SLC22A23: variants seen among roughly 807,000 people sequenced by gnomAD.
SLC22A23 encodes solute carrier family 22 member 23, also known as ion transporter protein.
SLC22A23 carries 26 observed loss-of-function variants against 61.0 expected under a neutral mutation model. The ratio of observed to expected loss-of-function variants is 0.43; its 90% CI spans 0.31 to 0.59. SLC22A23 has a LOEUF of 0.59. Ranked by LOEUF, SLC22A23 falls within the 20% of genes least tolerant of loss-of-function variation. The probability of loss-of-function intolerance (pLI) is 0.11; values close to 1 mark genes in which losing one functional copy is unlikely to be tolerated. For missense variants in SLC22A23, 796 were observed against 934.7 expected (o/e 0.85, Z 1.94); for synonymous variants, 430 against 413.9 (o/e 1.04, Z -0.47).
chr6:3,389,645 C>T (rs1767540045), intron 3 of SLC22A23, among the ~76,000 whole-genome samples: 1 of 152,218 alleles, frequency 6.6e-6, no homozygotes, highest in Admixed American at 6.5e-5. Flanking sequence ...GTCACCCCTC[C>T]TCCCACTCCA....
chr6:3,404,422 T>C (rs763099211), intron 3 of SLC22A23, among the ~76,000 whole-genome samples: 12 of 152,166 alleles, frequency 7.9e-5, no homozygotes, highest in African/African-American at 4.8e-5. Flanking sequence ...TATCCTTACA[T>C]GCCCTAGAGA....
chr6:3,284,491 C>A (rs112991251), intron 8 of SLC22A23, among the ~76,000 whole-genome samples: 1 of 152,226 alleles, frequency 6.6e-6, no homozygotes, highest in Non-Finnish European at 1.5e-5. Flanking sequence ...CAGGGTCTGG[C>A]ACAGTGCACG....
Position 3,329,562 on chromosome 6 carries a change from G to T in SLC22A23, c.914-5560C>A, listed in dbSNP as rs535179845. ...ATGCAGGGTATGGGATGAGGCGCCC[G>T]CTCTGGCCTAGAGGTGGGGGTTAGA... is the stretch of plus-strand genomic sequence containing the variant. On this transcript the variant is annotated intron_variant, in intron 3 of 9. Coordinates refer to ENST00000406686, the MANE Select transcript of SLC22A23 (RefSeq NM_015482.2). This position sits in a 1 kb window ranked among gnomAD's most constrained non-coding sequence, Gnocchi z 4.8. Among the ~76,000 whole-genome samples the T allele has an allele frequency of 6.6e-6, 1 of 152,194 alleles. No individual in the cohort carries two copies. The highest frequency in any genetic ancestry group is 1.9e-4 in the East Asian group (1 of 5,194).
chr6:3,452,599 TAAAAAAAAAAAAAAAAAAAAAAAA>T (rs570923626), intron 1 of SLC22A23, among the ~76,000 whole-genome samples: 4 of 40,536 alleles, frequency 9.9e-5, no homozygotes, highest in Non-Finnish European at 1.2e-4. Flanking sequence ...AGACGCTGTC[TAAAAAAAAAAAAAAAAAAAAAAAA>T]AAAAAAAAAA....
chr6:3,283,784 C>G (rs1439188790), intron 9 of SLC22A23, 68 bp downstream of exon 9: 3 of 1,602,630 alleles, frequency 1.9e-6, no homozygotes, highest in Non-Finnish European at 2.6e-6. Flanking sequence ...CCACACCAGC[C>G]TGGAGCCAGG....
chr6:3,292,008 A>G (rs908068172), intron 5 of SLC22A23: 13 of 150,964 alleles, frequency 8.6e-5, no homozygotes, highest in Non-Finnish European at 1.8e-4. Context: ...TAGTCTGCAG[A>G]GGTAACTGAA....
intron 3 of SLC22A23, among the ~76,000 whole-genome samples, chr6:3,356,259 G>A (rs113576563): frequency 2.0e-5 from 3 of 151,082 alleles, no homozygotes; most frequent in African/African-American, 7.3e-5. Context: ...GCCAGCCCTT[G>A]GGATCTGGAC....
In SLC22A23 at chr6:3,403,532, T is replaced by TA. The variant is rs567847057; in HGVS notation, c.913+6655dup. ...AAGCTGTTAACCATTAATCTTACCC[T>TA]ATCACAGCATCTCTTCCCAGCTCAC... On this transcript the variant is annotated intron_variant, in intron 3 of 9. Transcript: ENST00000406686. Among the ~76,000 whole-genome samples, 121 of 152,296 alleles carry TA rather than the reference T, an allele frequency of 7.9e-4. 2 individuals are homozygous for TA. The highest frequency in any genetic ancestry group is 2.9e-3 in the African/African-American group (119 of 41,558).
intron 4 of SLC22A23, among the ~76,000 whole-genome samples, chr6:3,299,997 ACT>A (rs1761465123): frequency 1.0e-5 from 1 of 98,422 alleles, no homozygotes; most frequent in East Asian, 4.2e-4. Context: ...CTCAGGATAG[ACT>A]TTTTTTTTTT....
chr6:3,284,891 T>A, intron 8 of SLC22A23, 188 bp downstream of exon 8: 1 of 1,535,396 alleles, frequency 6.5e-7, no homozygotes. Flanking sequence ...TCGCTCTTTC[T>A]AGAGGCAAGA....
chr6:3,441,708 C>A (rs916767814), intron 1 of SLC22A23, among the ~76,000 whole-genome samples: 13 of 152,288 alleles, frequency 8.5e-5, no homozygotes, highest in African/African-American at 2.9e-4. Context: ...GCTCGGTTCA[C>A]CCCCCACCCT....
Position 3,454,258 on chromosome 6 carries a change from T to C in SLC22A23, c.654+1648A>G, listed in dbSNP as rs1472555040. Among the ~76,000 whole-genome samples, 1 of 152,188 alleles carries C rather than the reference T, an allele frequency of 6.6e-6. No homozygotes were observed. The highest frequency in any genetic ancestry group is 2.4e-5 in the African/African-American group (1 of 41,440). On this transcript the variant is annotated intron_variant, in intron 1 of 9. Coordinates refer to ENST00000406686, the MANE Select transcript of SLC22A23 (RefSeq NM_015482.2). This position sits in a 1 kb window ranked among gnomAD's most constrained non-coding sequence, Gnocchi z 4.3. ...AGAAAAACTGCCCAGCTCTCCAATATGCCTCCATAGTCTGCTTTTAAGAAC... is the reference window on the plus strand; with the variant it reads ...AGAAAAACTGCCCAGCTCTCCAATACGCCTCCATAGTCTGCTTTTAAGAAC...
rs1030232727 is a variant in SLC22A23, at chr6:3,386,720, C to A, written c.913+23468G>T. Among the ~76,000 whole-genome samples the A allele has an allele frequency of 2.0e-5, 3 of 152,188 alleles. No homozygotes were observed. Among genetic ancestry groups the A allele is most frequent in the Non-Finnish European group, 4.4e-5 (3 of 68,022 alleles). On this transcript the variant is annotated intron_variant, in intron 3 of 9. Transcript: ENST00000406686. This position sits in a 1 kb window ranked among gnomAD's most constrained non-coding sequence, Gnocchi z 4.4. ...GGGGACCTGCCCCAGGGTCACCCAG[C>A]GTGGGAGGGGTGGAGGCGGCAGTGG...
At chr6:3,413,510 G>A (rs1007571950) in intron 2 of SLC22A23, among the ~76,000 whole-genome samples, 14 of 152,244 alleles carry the variant, frequency 9.2e-5, no homozygotes, top group African/African-American at 3.4e-4. Flanking sequence ...GCGAAGAAGT[G>A]AGCGCATCCC....
In SLC22A23 at chr6:3,389,573, G is replaced by C. The variant is rs560463474; in HGVS notation, c.913+20615C>G. ...AGACAATGTCTCCACAGAGTGCTTG[G>C]CATCCTTTCTGTCTACTGCTCTCTT... On this transcript the variant is annotated intron_variant, in intron 3 of 9. Transcript: ENST00000406686. Among the ~76,000 whole-genome samples, 10 of 152,270 alleles carry C rather than the reference G, an allele frequency of 6.6e-5. No homozygotes were observed. The South Asian group carries it at 2.1e-3, about 32-fold the overall frequency.
At chr6:3,415,731 G>C in intron 2 of SLC22A23, 21 bp downstream of exon 2, 1 of 1,508,506 alleles carries the variant, frequency 6.6e-7, no homozygotes, top group Non-Finnish European at 9.0e-7. Context: ...AGGTTCGTGC[G>C]GCGGGCATGT....
chr6:3,453,973 C>T (rs143291213), intron 1 of SLC22A23, among the ~76,000 whole-genome samples: 1 of 152,304 alleles, frequency 6.6e-6, no homozygotes, highest in Non-Finnish European at 1.5e-5. Flanking sequence ...CCAAAATGTG[C>T]TTGAAAAGCT....
At position 3,292,200 on chromosome 6, in the gene SLC22A23, C is replaced by T. The variant is rs1421264215; in HGVS notation, c.1211-2334G>A. ...GCATGAAGCTTCCGCAGCATTATAT[C>T]TGTTCTTCTGGGCCTCAAATCCTCG... On this transcript the variant is annotated intron_variant, in intron 5 of 9. Transcript: ENST00000406686. 2.0e-5 allele frequency among the ~76,000 whole-genome samples: 3 copies of T among 152,354 alleles called. No homozygotes were observed. In the East Asian group the frequency reaches 5.8e-4, roughly 29 times the overall value.
In SLC22A23 at chr6:3,275,950, A is replaced by G. The variant is rs183023554; in HGVS notation, c.1704-2538T>C. On this transcript the variant is annotated intron_variant, in intron 9 of 9. Coordinates refer to ENST00000406686, the MANE Select transcript of SLC22A23 (RefSeq NM_015482.2). ...AGGCCAGACACAGTGGCTCATGCCCAAAGAGGCTTGGGCAAAGGTGACCTG... is the reference window on the plus strand; with the variant it reads ...AGGCCAGACACAGTGGCTCATGCCCGAAGAGGCTTGGGCAAAGGTGACCTG... 1.1e-4 allele frequency among the ~76,000 whole-genome samples: 16 copies of G among 152,374 alleles called. No individual in the cohort carries two copies. The East Asian group carries it at 2.7e-3, about 26-fold the overall frequency.
Sources: allele counts gnomAD v4.1 joint callset (sites outside exome capture counted in the v4.1 genomes callset), GRCh38; gene constraint gnomAD v4.1.1; non-coding constraint Gnocchi (gnomAD v3.1); transcripts MANE v1.5; gene names NCBI Gene and HGNC (gene_info 2026-07-23, HGNC 2026-07-21).